The following ERG28 variants were observed in gnomAD, a reference collection of about 807,000 sequenced individuals.
ERG28 encodes the protein ergosterol biosynthetic protein 28 homolog.
ERG28 carries 9 observed loss-of-function variants against 15.7 expected under a neutral mutation model. That is an observed-to-expected ratio of 0.57 (90% CI 0.35 to 1.00). The LOEUF (loss-of-function observed/expected upper bound fraction) is 1.00, where lower values mean the gene tolerates loss of function less well. Ranked by LOEUF, ERG28 falls within the 50% of genes least tolerant of loss-of-function variation. The pLI is 0.02. For missense variants in ERG28, 117 were observed against 173.3 expected (o/e 0.68, Z 1.82); for synonymous variants, 61 against 68.4 (o/e 0.89, Z 0.53).
rs1890522194 is a variant in ERG28 at position 75,651,273 on chromosome 14, C to T, written c.*282G>A. On this transcript the variant is annotated 3_prime_UTR_variant, in exon 5 of 5. Coordinates refer to ENST00000256319, the MANE Select transcript of ERG28 (RefSeq NM_007176.4). ...GGAAAAGGGAGCCTGGAAGAGGTTG[C>T]AGGTAGGGGAAGGAGACACAGTGGG... The T allele has an allele frequency of 3.7e-6, 1 of 272,174 alleles. No homozygotes were observed. The highest frequency in any genetic ancestry group is 7.0e-6 in the Non-Finnish European group (1 of 143,352). 16.9% of individuals were successfully genotyped at this position (272,174 alleles called of 1,614,324 possible).
Position 75,651,893 on chromosome 14 carries a change from T to C in ERG28, c.225-4A>G, listed in dbSNP as rs748472715. ...CCAGAGTGTGATGTGATAGAGCCTATAAGGAAGCAGACAGAAATGGGAACC... is the reference window on the plus strand; with the variant it reads ...CCAGAGTGTGATGTGATAGAGCCTACAAGGAAGCAGACAGAAATGGGAACC... On this transcript the variant is annotated splice_polypyrimidine_tract_variant and splice_region_variant and intron_variant, in intron 3 of 4. Transcript: ENST00000256319. 2.5e-6 allele frequency: 4 copies of C among 1,596,468 alleles called. No individual in the cohort carries two copies. The highest frequency in any genetic ancestry group is 1.7e-5 in the Admixed American group (1 of 59,988).
At chr14:75,654,752 G>T in intron 3 of ERG28, 134 bp downstream of exon 3, 1 of 984,102 alleles carries the variant, frequency 1.0e-6, no homozygotes. Flanking sequence ...AATGTAACCT[G>T]TGAGTTTTTT....
intron 1 of ERG28, among the ~76,000 whole-genome samples, chr14:75,659,981 G>T (rs1890659737): frequency 6.6e-6 from 1 of 151,560 alleles, no homozygotes; most frequent in Non-Finnish European, 1.5e-5. Flanking sequence ...CTCTGTCGAA[G>T]ATCAGAGAGA....
intron 1 of ERG28, among the ~76,000 whole-genome samples, 198 bp from the exon 2 acceptor site, chr14:75,657,731 C>T (rs549809343): frequency 2.0e-5 from 3 of 152,294 alleles, no homozygotes; most frequent in South Asian, 4.1e-4. Flanking sequence ...TACCCTAAAT[C>T]AGAACTCCTT....
chr14:75,656,279 AACACAC>A (rs34053718), intron 2 of ERG28, among the ~76,000 whole-genome samples: 14,839 of 135,866 alleles, frequency 0.11, 975 homozygotes, highest in East Asian at 0.36. Context: ...GTGCTGGCTG[AACACAC>A]ACACACACAC....
intron 2 of ERG28, among the ~76,000 whole-genome samples, chr14:75,656,286 A>ACT (rs1460844958): frequency 9.7e-6 from 1 of 102,890 alleles, no homozygotes; most frequent in Non-Finnish European, 1.9e-5. Context: ...CTGAACACAC[A>ACT]CACACACACA....
chr14:75,654,958 C>T lies in ERG28; in HGVS notation c.152G>A (p.Arg51Gln), dbSNP rs746304122. 4.3e-6 allele frequency: 7 copies of T among 1,613,998 alleles called. No homozygotes were observed. The highest frequency in any genetic ancestry group is 1.7e-5 in the Admixed American group (1 of 60,018). ...KPNLVNGLQA[R>Q]TFGIWTLLSS... is the part of the protein sequence containing the mutation. ...GAGCAGCGTCCAGATCCCAAAGGTC[C>T]GAGCTTGGAGGCCATTCACTGTGTA... Residue 51 changes from arginine to glutamine, a missense_variant, in exon 3 of 5, where the codon CGG becomes CAG. Arg to Gln is a conservative substitution (Grantham distance 43). Coordinates refer to ENST00000256319, the MANE Select transcript of ERG28 (RefSeq NM_007176.4).
At chr14:75,656,334 G>C (rs1193607887) in intron 2 of ERG28, among the ~76,000 whole-genome samples, 3 of 142,382 alleles carry the variant, frequency 2.1e-5, no homozygotes, top group African/African-American at 7.7e-5. Context: ...ATAAAGTTCT[G>C]CTCAGCTATA....
chr14:75,653,193 G>A (rs1273914827), intron 3 of ERG28, among the ~76,000 whole-genome samples: 2 of 152,156 alleles, frequency 1.3e-5, no homozygotes, highest in Non-Finnish European at 2.9e-5. Context: ...GGATCAGAAT[G>A]CACATCAGAA....
intron 3 of ERG28, among the ~76,000 whole-genome samples, chr14:75,653,900 A>G (rs891214666): frequency 2.0e-5 from 3 of 152,020 alleles, no homozygotes; most frequent in African/African-American, 7.3e-5. Flanking sequence ...TTCCAAAAGT[A>G]TGTGTCATTC....
intron 2 of ERG28, among the ~76,000 whole-genome samples, chr14:75,655,424 C>T (rs1256942063): frequency 6.6e-6 from 1 of 152,114 alleles, no homozygotes; most frequent in East Asian, 1.9e-4. Flanking sequence ...AATTTAGATG[C>T]CCATATATGG....
chr14:75,651,912 G>T, intron 3 of ERG28, 23 bp from the exon 4 acceptor site: 1 of 1,556,808 alleles, frequency 6.4e-7, no homozygotes, highest in South Asian at 1.1e-5. Context: ...AGACAGAAAT[G>T]GGAACCAAAG....
rs200706650 is a variant in ERG28, at chr14:75,657,544, A to C, written c.-31-11T>G. The C allele has an allele frequency of 2.5e-4, 403 of 1,612,024 alleles. No homozygotes were observed. The highest frequency in any genetic ancestry group is 3.3e-4 in the Non-Finnish European group (387 of 1,178,610). ...GGGAGGGCTTTTTGCCTTGGAAACA[A>C]AGGCAGAGGACATGAGACAATGAGG... On this transcript the variant is annotated splice_polypyrimidine_tract_variant and intron_variant, in intron 1 of 4. Transcript: ENST00000256319.
At chr14:75,655,410 G>A (rs759113605) in intron 2 of ERG28, among the ~76,000 whole-genome samples, 2 of 152,200 alleles carry the variant, frequency 1.3e-5, no homozygotes, top group Non-Finnish European at 2.9e-5. Flanking sequence ...AGATACTGGG[G>A]ACCAATTTAG....
Position 75,655,035 on chromosome 14 carries a change from C to A in ERG28, c.134-59G>T, listed in dbSNP as rs1262165757. 2.7e-6 allele frequency: 4 copies of A among 1,508,012 alleles called. No homozygotes were observed. In the African/African-American group the frequency reaches 4.1e-5, roughly 16 times the overall value. The allele number at this position is 1,508,012 out of a possible 1,614,324, so 93.4% of individuals were successfully genotyped here. A position where few individuals can be genotyped will look rare whatever the true frequency, so the allele number is the denominator to read the frequency against. Reference sequence around the variant, plus strand: ...GGGGAGACTTGAGGTTCCTTCCAAACTCCTCCTATTTCACTGGTGGTTCAT... The same window carrying A: ...GGGGAGACTTGAGGTTCCTTCCAAAATCCTCCTATTTCACTGGTGGTTCAT... On this transcript the variant is annotated intron_variant, in intron 2 of 4. Coordinates refer to ENST00000256319, the MANE Select transcript of ERG28 (RefSeq NM_007176.4).
chr14:75,657,834 T>C (rs116975958), intron 1 of ERG28, among the ~76,000 whole-genome samples: 3,878 of 152,302 alleles, frequency 0.025, 80 homozygotes, highest in Middle Eastern at 0.061. Flanking sequence ...AAGGCGATTA[T>C]AACTATACTC....
At chr14:75,653,993 C>T (rs542513809) in intron 3 of ERG28, among the ~76,000 whole-genome samples, 6 of 152,116 alleles carry the variant, frequency 3.9e-5, no homozygotes, top group South Asian at 4.2e-4. Context: ...GCTAATAGCC[C>T]TGCTTCAAAT....
At chr14:75,658,773 T>C (rs1439911700) in intron 1 of ERG28, among the ~76,000 whole-genome samples, 1 of 152,138 alleles carries the variant, frequency 6.6e-6, no homozygotes, top group Non-Finnish European at 1.5e-5. Flanking sequence ...AGCAAACCTG[T>C]TCAGCATGAA....
chr14:75,657,066 A>G (rs1263272236), intron 2 of ERG28, among the ~76,000 whole-genome samples: 1 of 151,566 alleles, frequency 6.6e-6, no homozygotes, highest in African/African-American at 2.4e-5. Flanking sequence ...GGGCAGTGTA[A>G]AATCAATGAA....
Sources: allele counts gnomAD v4.1 joint callset (sites outside exome capture counted in the v4.1 genomes callset), GRCh38; gene constraint gnomAD v4.1.1; transcripts MANE v1.5; gene names NCBI Gene and HGNC (gene_info 2026-07-23, HGNC 2026-07-21).